Variants in PDLIM1 observed in about 807,000 individuals in gnomAD.
PDLIM1 encodes the protein PDZ and LIM domain protein 1.
PDLIM1 carries 25 observed loss-of-function variants against 35.2 expected under a neutral mutation model. That is an observed-to-expected ratio of 0.71 (90% CI 0.52 to 0.99). The LOEUF is 0.99. Among genes scored for constraint, PDLIM1 ranks in the 50% least tolerant of loss-of-function variants. The pLI is 0.00. For missense variants in PDLIM1, 363 were observed against 415.3 expected (o/e 0.87, Z 1.09); for synonymous variants, 152 against 154.0 (o/e 0.99, Z 0.10).
intron 1 of PDLIM1, among the ~76,000 whole-genome samples, chr10:95,289,329 G>A (rs1235002570): frequency 6.6e-6 from 1 of 152,204 alleles, no homozygotes; most frequent in Admixed American, 6.5e-5. Context: ...CTGCTACCAG[G>A]CTCGGGGACG....
chr10:95,268,895 C>A, intron 2 of PDLIM1, 33 bp from the exon 3 acceptor site: 1 of 1,451,164 alleles, frequency 6.9e-7, no homozygotes. Flanking sequence ...CTGTTTCACT[C>A]ATGTAAAATA....
intron 1 of PDLIM1, among the ~76,000 whole-genome samples, chr10:95,282,656 G>A (rs569334221): frequency 7.9e-5 from 12 of 152,248 alleles, no homozygotes; most frequent in East Asian, 7.7e-4. Context: ...AGAAGTCATC[G>A]AGGCCAGGCG....
At chr10:95,271,523 A>G (rs2035464913) in intron 2 of PDLIM1, 110 bp downstream of exon 2, 2 of 830,006 alleles carry the variant, frequency 2.4e-6, no homozygotes, top group Non-Finnish European at 3.8e-6. Context: ...TAGTATATAC[A>G]TGGCACTGAG....
chr10:95,244,588 A>G (rs963447557), intron 5 of PDLIM1, among the ~76,000 whole-genome samples: 1 of 152,084 alleles, frequency 6.6e-6, no homozygotes, highest in Non-Finnish European at 1.5e-5. Context: ...ACCTTTCACC[A>G]TTTTATCTCA....
rs534215951 is a variant in PDLIM1, at chr10:95,252,803, G to A, written c.534-5437C>T. On this transcript the variant is annotated intron_variant, in intron 4 of 6. Transcript: ENST00000329399. ...AGACAAAGGAAAGAATCAGTGAACT[G>A]GAAGGTGAATATTAGAAATTATACA... Among the ~76,000 whole-genome samples, 38 of 152,112 alleles carry A rather than the reference G, an allele frequency of 2.5e-4. No homozygotes were observed. In the South Asian group the frequency reaches 7.5e-3, roughly 30 times the overall value.
intron 5 of PDLIM1, among the ~76,000 whole-genome samples, chr10:95,241,215 T>C (rs949700394): frequency 6.6e-6 from 1 of 152,162 alleles, no homozygotes; most frequent in Non-Finnish European, 1.5e-5. Context: ...AACCAAAAAT[T>C]GAGACACATG....
chr10:95,248,031 G>T (rs565749437), intron 4 of PDLIM1, among the ~76,000 whole-genome samples: 1 of 152,294 alleles, frequency 6.6e-6, no homozygotes, highest in South Asian at 2.1e-4. Flanking sequence ...TGTCATGCTG[G>T]GTGACCCAGA....
At chr10:95,282,550 C>T (rs375862867) in intron 1 of PDLIM1, among the ~76,000 whole-genome samples, 7 of 152,152 alleles carry the variant, frequency 4.6e-5, no homozygotes, top group South Asian at 2.1e-4. Context: ...TTCAAAGAGA[C>T]GTGCTGCTCT....
At chr10:95,258,141 TATC>T (rs2035332209) in intron 4 of PDLIM1, among the ~76,000 whole-genome samples, 2 of 152,068 alleles carry the variant, frequency 1.3e-5, no homozygotes, top group Non-Finnish European at 2.9e-5. Context: ...ACTTAATCAC[TATC>T]ATGAGAACAA....
intron 1 of PDLIM1, among the ~76,000 whole-genome samples, chr10:95,289,796 G>A (rs1436923492): frequency 1.3e-5 from 2 of 152,258 alleles, no homozygotes; most frequent in Non-Finnish European, 2.9e-5. Context: ...CCGCCTACAG[G>A]CAAGGAGTGG....
intron 4 of PDLIM1, among the ~76,000 whole-genome samples, chr10:95,250,616 A>G (rs1194575678): frequency 1.3e-5 from 2 of 152,216 alleles, no homozygotes; most frequent in Non-Finnish European, 2.9e-5. Context: ...TATATTAAAA[A>G]CAGCAATGAA....
At chr10:95,265,461 G>T (rs2035405574) in intron 3 of PDLIM1, among the ~76,000 whole-genome samples, 1 of 151,990 alleles carries the variant, frequency 6.6e-6, no homozygotes, top group African/African-American at 2.4e-5. Flanking sequence ...CAGACATGGT[G>T]GCGCATGCCT....
At chr10:95,274,481 A>T (rs1383703814) in intron 1 of PDLIM1, among the ~76,000 whole-genome samples, 1 of 151,406 alleles carries the variant, frequency 6.6e-6, no homozygotes, top group African/African-American at 2.4e-5. Context: ...TTTAGAAGAG[A>T]TGGGGTTTTT....
intron 4 of PDLIM1, among the ~76,000 whole-genome samples, chr10:95,253,706 C>A (rs1465105747): frequency 6.6e-6 from 1 of 150,712 alleles, no homozygotes; most frequent in African/African-American, 2.4e-5. Flanking sequence ...GAAAAAAGAA[C>A]CCATAAGCAA....
At chr10:95,281,199 T>A (rs111841486) in intron 1 of PDLIM1, among the ~76,000 whole-genome samples, 5 of 152,192 alleles carry the variant, frequency 3.3e-5, no homozygotes, top group African/African-American at 1.2e-4. Context: ...GCAGAACTTA[T>A]ACTCCTATAA....
chr10:95,240,537 T>C (rs1300293184), intron 5 of PDLIM1, among the ~76,000 whole-genome samples: 1 of 152,208 alleles, frequency 6.6e-6, no homozygotes, highest in African/African-American at 2.4e-5. Context: ...GAATGGCTGA[T>C]GGATGCTGGG....
intron 1 of PDLIM1, chr10:95,273,353 A>C (rs2035481036): frequency 6.6e-6 from 1 of 152,216 alleles, no homozygotes; most frequent in Admixed American, 6.5e-5. Flanking sequence ...GCACCAAACC[A>C]GGACACACAA....
intron 1 of PDLIM1, among the ~76,000 whole-genome samples, chr10:95,281,293 A>AAG (rs34306298): frequency 6.6e-6 from 1 of 151,978 alleles, no homozygotes; most frequent in Admixed American, 6.6e-5. Flanking sequence ...AAAAAAAAAA[A>AAG]TAGGCCAGGC....
chr10:95,268,676 C>CTA (rs2035435834), intron 3 of PDLIM1, 102 bp downstream of exon 3: 1 of 791,920 alleles, frequency 1.3e-6, no homozygotes, highest in Non-Finnish European at 2.3e-6. Context: ...GGGTCTTATC[C>CTA]CCAGGCCTCC....
Sources: gnomAD v4.1 joint callset for allele counts (sites outside exome capture counted in the v4.1 genomes callset) on GRCh38, gnomAD v4.1.1 for gene constraint, MANE v1.5 for transcripts, NCBI Gene and HGNC (gene_info 2026-07-23, HGNC 2026-07-21) for gene names.